BAHCC1: variants seen among roughly 807,000 people sequenced by gnomAD.
The protein encoded by BAHCC1 is BAH domain and coiled-coil containing 1.
Under a neutral mutation model 88.2 loss-of-function variants are expected in BAHCC1, and 43 were observed. That is an observed-to-expected ratio of 0.49 (90% CI 0.38 to 0.63). The LOEUF is 0.63. Ranked by LOEUF, BAHCC1 falls within the 20% of genes least tolerant of loss-of-function variation. The pLI is 0.00. For missense variants in BAHCC1, 3,023 were observed against 1,654.8 expected, an observed-to-expected ratio of 1.83 and a Z score of -14.34; for synonymous variants, 1,510 against 745.5, an observed-to-expected ratio of 2.03 and a Z score of -16.71.
chr17:81,412,219 G>A (rs1219059630), intron 2 of BAHCC1, among the ~76,000 whole-genome samples: 3 of 152,270 alleles, frequency 2.0e-5, no homozygotes, highest in African/African-American at 7.2e-5. Flanking sequence ...CCAGCAGGTC[G>A]CCTTGTGGGC....
In BAHCC1 at chr17:81,447,107, A is replaced by G; in HGVS notation, c.3235A>G (p.Asn1079Asp). 1 of 779,272 alleles carries G rather than the reference A, an allele frequency of 1.3e-6. No homozygotes were observed. 48.3% of individuals were successfully genotyped at this position (779,272 alleles called of 1,614,324 possible). ...FSLPSDVHSSNLEDPETMQTT... is the reference protein window; with the variant it reads ...FSLPSDVHSSDLEDPETMQTT... Reference sequence around the variant, plus strand: ...CCTACCCTCAGACGTGCACTCTTCTAACCTCGAGGACCCTGAAACTATGCA... The same window carrying G: ...CCTACCCTCAGACGTGCACTCTTCTGACCTCGAGGACCCTGAAACTATGCA... The change falls in exon 11 of 28, where the codon AAC becomes GAC. Residue 1079 changes from asparagine to aspartate, a missense_variant. Transcript: ENST00000675386.
chr17:81,437,872 C>T (rs1484100163), intron 3 of BAHCC1, among the ~76,000 whole-genome samples: 1 of 152,242 alleles, frequency 6.6e-6, no homozygotes, highest in Non-Finnish European at 1.5e-5. Context: ...ACACCTGTGA[C>T]CTCCAGCCAG....
At chr17:81,432,471 C>T (rs1045752398) in intron 3 of BAHCC1, among the ~76,000 whole-genome samples, 3 of 151,904 alleles carry the variant, frequency 2.0e-5, no homozygotes, top group East Asian at 3.9e-4. Context: ...TCTAGCTCCA[C>T]GCTCCGAGAA....
At chr17:81,412,175 G>A (rs2063962979) in intron 2 of BAHCC1, among the ~76,000 whole-genome samples, 1 of 152,224 alleles carries the variant, frequency 6.6e-6, no homozygotes, top group Non-Finnish European at 1.5e-5. Context: ...TACCCCATCC[G>A]GCCAGCCCTG....
Position 81,460,679 on chromosome 17 carries a change from A to G in BAHCC1, c.6175A>G (p.Lys2059Glu). 1 of 773,124 alleles carries G rather than the reference A, an allele frequency of 1.3e-6. No homozygotes were observed. The highest frequency in any genetic ancestry group is 1.4e-5 in the South Asian group (1 of 73,786). 47.9% of individuals were successfully genotyped at this position (773,124 alleles called of 1,614,324 possible). ...CCCCGAAGCTTTGAAGACACCTGGG[A>G]AAAAATCCATTAGCAAAGACAAAGC... ...DGPEALKTPG[K>E]KSISKDKAGK... Residue 2059 changes from lysine (K) to glutamate (E), a missense_variant, in exon 25 of 28, where the codon AAA becomes GAA. Coordinates refer to ENST00000675386, the MANE Select transcript of BAHCC1 (RefSeq NM_001377448.1).
At chr17:81,402,078 G>C (rs1358538019) in intron 2 of BAHCC1, 10 of 152,286 alleles carry the variant, frequency 6.6e-5, no homozygotes, top group African/African-American at 2.4e-4. Flanking sequence ...TTGATCCCAG[G>C]TCCTCCCAGC....
rs989467912 is a variant in BAHCC1 at position 81,399,965 on chromosome 17, G to T, written c.178+48G>T. ...CGCGGGACGGGAGCGTTCGAGAGCG[G>T]AACAGGGCGCCCACCCCTCCGCTCC... is the stretch of plus-strand genomic sequence containing the variant. On this transcript the variant is annotated intron_variant, in intron 2 of 27. Coordinates refer to ENST00000675386, the MANE Select transcript of BAHCC1 (RefSeq NM_001377448.1). The surrounding 1 kb of genome is among the most constrained non-coding windows in gnomAD (Gnocchi z 4.5). The T allele has an allele frequency of 2.4e-6, 3 of 1,275,426 alleles. No individual in the cohort carries two copies. Among genetic ancestry groups the T allele is most frequent in the Non-Finnish European group, 3.0e-6 (3 of 1,001,250 alleles). The allele number at this position is 1,275,426 out of a possible 1,614,324, so 79.0% of individuals were successfully genotyped here. A position where few individuals can be genotyped will look rare whatever the true frequency, so the allele number is the denominator to read the frequency against.
At chr17:81,462,382 C>G (rs73365667) in intron 26 of BAHCC1, among the ~76,000 whole-genome samples, 15,884 of 152,258 alleles carry the variant, frequency 0.1, 1,035 homozygotes, top group African/African-American at 0.18. Flanking sequence ...CACTCAGATG[C>G]CTGCGTCTGT....
At chr17:81,424,753 G>T (rs2064154979) in intron 2 of BAHCC1, among the ~76,000 whole-genome samples, 1 of 151,604 alleles carries the variant, frequency 6.6e-6, no homozygotes, top group South Asian at 2.1e-4. Flanking sequence ...TGATGTAGTT[G>T]GGGTGGTGTT....
At chr17:81,400,429 TTCTA>T (rs771418623) in intron 2 of BAHCC1, among the ~76,000 whole-genome samples, 133 of 151,998 alleles carry the variant, frequency 8.8e-4, no homozygotes, top group Non-Finnish European at 1.7e-3. Context: ...CAAATCCTGT[TTCTA>T]TATAAAGCCT....
chr17:81,451,194 C>T (rs1555655684), intron 11 of BAHCC1: 1 of 160,224 alleles, frequency 6.2e-6, no homozygotes, highest in East Asian at 1.9e-4. Context: ...AGGCTTGAGC[C>T]ACAGCATTCA....
Position 81,443,302 on chromosome 17 carries a change from C to G in BAHCC1, c.1953C>G (p.Pro651=), listed in dbSNP as rs1434988377. The G allele has an allele frequency of 2.6e-6, 2 of 779,360 alleles. No homozygotes were observed. The highest frequency in any genetic ancestry group is 4.8e-5 in the East Asian group (2 of 41,238). The allele number at this position is 779,360 out of a possible 1,614,324, so 48.3% of individuals were successfully genotyped here. The part of the protein sequence containing the change: ...SQALVVGQKA[P]LVGLGGLKAS... ...CCCTGGTGGTGGGCCAGAAAGCACC[C>G]TTGGTGGGCCTGGGTGGCCTCAAGG... The change falls in exon 5 of 28, where the codon CCC becomes CCG. Residue 651 remains proline, a synonymous_variant. Transcript: ENST00000675386.
chr17:81,413,369 C>T (rs2063979647), intron 2 of BAHCC1, among the ~76,000 whole-genome samples: 1 of 152,238 alleles, frequency 6.6e-6, no homozygotes, highest in Non-Finnish European at 1.5e-5. Flanking sequence ...CCTCTGCACC[C>T]CCGTGCCAGC....
intron 2 of BAHCC1, among the ~76,000 whole-genome samples, chr17:81,419,303 G>T (rs1436431300): frequency 6.6e-6 from 1 of 152,230 alleles, no homozygotes; most frequent in East Asian, 1.9e-4. Context: ...ATGGTCAGAT[G>T]CTACACCCCT....
At chr17:81,408,196 A>G (rs899274713) in intron 2 of BAHCC1, among the ~76,000 whole-genome samples, 9 of 152,056 alleles carry the variant, frequency 5.9e-5, no homozygotes, top group Non-Finnish European at 1.5e-5. Context: ...TCCCGTCAAG[A>G]TCAATTCCAG....
chr17:81,404,109 A>G (rs553469038), intron 2 of BAHCC1, among the ~76,000 whole-genome samples: 4 of 152,330 alleles, frequency 2.6e-5, no homozygotes, highest in African/African-American at 7.2e-5. Context: ...CCTGTGAGAC[A>G]GGGTTCAACA....
At chr17:81,458,567 A>G in intron 18 of BAHCC1, 54 bp from the exon 19 acceptor site, 1 of 662,814 alleles carries the variant, frequency 1.5e-6, no homozygotes, top group Non-Finnish European at 2.8e-6. Flanking sequence ...CTCTGGGTCA[A>G]CCTGAGGCTG....
intron 3 of BAHCC1, among the ~76,000 whole-genome samples, chr17:81,429,417 G>A (rs2064235715): frequency 6.6e-6 from 1 of 152,232 alleles, no homozygotes; most frequent in East Asian, 1.9e-4. Context: ...ACGCAGCCGT[G>A]CTCCCCGACA....
intron 2 of BAHCC1, among the ~76,000 whole-genome samples, chr17:81,416,126 G>A (rs1730092134): frequency 6.6e-6 from 1 of 150,476 alleles, no homozygotes; most frequent in South Asian, 2.1e-4. Context: ...GTGTCCATGA[G>A]GGTGGGTCTA....
Sources: allele counts gnomAD v4.1 joint callset (sites outside exome capture counted in the v4.1 genomes callset), GRCh38; gene constraint gnomAD v4.1.1; non-coding constraint Gnocchi (gnomAD v3.1); transcripts MANE v1.5; gene names NCBI Gene and HGNC (gene_info 2026-07-23, HGNC 2026-07-21).